Variants in TULP4 observed in about 807,000 individuals in gnomAD.
TULP4 encodes the protein TUB like protein 4, also known as tubby-related protein 4.
A neutral mutation model predicts 129.0 loss-of-function variants in TULP4; 16 were observed. The observed-to-expected ratio is 0.12, with a 90% CI of 0.08 to 0.19. The LOEUF (loss-of-function observed/expected upper bound fraction) is 0.19. Ranked by LOEUF, TULP4 falls within the 10% of genes least tolerant of loss-of-function variation. The probability of loss-of-function intolerance (pLI) is 1.00; values close to 1 mark genes in which losing one functional copy is unlikely to be tolerated. For missense variants in TULP4, 1,842 were observed against 2,059.1 expected, an observed-to-expected ratio of 0.89 and a Z score of 2.04; for synonymous variants, 998 against 854.0, an observed-to-expected ratio of 1.17 and a Z score of -2.94.
chr6:158,486,898 C>T (rs1236067940), intron 8 of TULP4, among the ~76,000 whole-genome samples: 1 of 152,008 alleles, frequency 6.6e-6, no homozygotes, highest in Non-Finnish European at 1.5e-5. Context: ...ATTGCCTGAG[C>T]TCAGTAGTTC....
chr6:158,474,894 T>A (rs572195442), intron 6 of TULP4, among the ~76,000 whole-genome samples: 3 of 152,342 alleles, frequency 2.0e-5, no homozygotes, highest in African/African-American at 7.2e-5. Context: ...AGATTAAGGA[T>A]ACTTCACCTG....
At position 158,313,545 on chromosome 6, in the gene TULP4, C is replaced by G. The variant is rs1260158895; in HGVS notation, c.-472C>G. 5.0e-6 allele frequency: 2 copies of G among 403,078 alleles called. No homozygotes were observed. Among genetic ancestry groups the G allele is most frequent in the African/African-American group, 4.1e-5 (2 of 48,622 alleles). The allele number at this position is 403,078 out of a possible 1,614,324, so 25.0% of individuals were successfully genotyped here. Reference sequence around the variant, plus strand: ...GAACTTTTGAAGAGAAAAATTCGAGCTAGAGGGATTCTTAAAGCCTTAAGT... The same window carrying G: ...GAACTTTTGAAGAGAAAAATTCGAGGTAGAGGGATTCTTAAAGCCTTAAGT... On this transcript the variant is annotated 5_prime_UTR_variant, in exon 1 of 14. Coordinates refer to ENST00000367097, the MANE Select transcript of TULP4 (RefSeq NM_020245.5).
chr6:158,309,929 G>GGAGA (rs1554278991), upstream of TULP4, among the ~76,000 whole-genome samples: 13 of 36,624 alleles, frequency 3.5e-4, no homozygotes, highest in East Asian at 2.3e-3. Flanking sequence ...GGAGGGGGAG[G>GGAGA]GGGAGAGGGA....
chr6:158,486,655 C>T (rs1341814083), intron 8 of TULP4, among the ~76,000 whole-genome samples: 4 of 152,178 alleles, frequency 2.6e-5, no homozygotes, highest in Non-Finnish European at 5.9e-5. Flanking sequence ...ATCATTCTGG[C>T]GCCCTAGTCT....
chr6:158,431,900 C>T (rs935799096), intron 3 of TULP4, among the ~76,000 whole-genome samples: 1 of 151,890 alleles, frequency 6.6e-6, no homozygotes, highest in Admixed American at 6.6e-5. Flanking sequence ...GGTACGTGGC[C>T]GCAGCCTCTG....
chr6:158,476,776 T>C (rs1336423347), intron 6 of TULP4, among the ~76,000 whole-genome samples: 2 of 152,216 alleles, frequency 1.3e-5, no homozygotes, highest in Non-Finnish European at 2.9e-5. Flanking sequence ...GGCTCACGAT[T>C]TTGTATGTGA....
chr6:158,386,123 G>C (rs1163750429), intron 1 of TULP4, among the ~76,000 whole-genome samples: 2 of 151,954 alleles, frequency 1.3e-5, no homozygotes, highest in African/African-American at 2.4e-5. Flanking sequence ...ATGATTACAA[G>C]TGTGAGCCAC....
chr6:158,509,655 T>C lies in TULP4; in HGVS notation c.*2961T>C, dbSNP rs1190997676. On this transcript the variant is annotated 3_prime_UTR_variant, in exon 14 of 14. Coordinates refer to ENST00000367097, the MANE Select transcript of TULP4 (RefSeq NM_020245.5). The stretch of plus-strand genomic sequence containing the variant: ...CTCCCCCAAAGGCGCTTTCCCCCGA[T>C]GGAGGCACAGGCTTCTGTCTCGGAT... 6.6e-6 allele frequency: 1 copy of C among 152,218 alleles called. No individual in the cohort carries two copies. Among genetic ancestry groups the C allele is most frequent in the Non-Finnish European group, 1.5e-5 (1 of 68,038 alleles). The allele number at this position is 152,218 out of a possible 1,614,324, so 9.4% of individuals were successfully genotyped here.
In TULP4 at chr6:158,468,832, C is replaced by T. The variant is rs567684884; in HGVS notation, c.1026+7103C>T. Among the ~76,000 whole-genome samples the T allele has an allele frequency of 1.8e-3, 278 of 152,310 alleles. 1 individual carries two copies. Among genetic ancestry groups the T allele is most frequent in the African/African-American group, 6.6e-3 (274 of 41,564 alleles). ...AGATGGCGCCTTGTGCCTGTGTCCT[C>T]ACATGGTAGAATGAGTAAAAGCAGG... On this transcript the variant is annotated intron_variant, in intron 6 of 13. Transcript: ENST00000367097.
At chr6:158,384,548 A>T (rs898212515) in intron 1 of TULP4, among the ~76,000 whole-genome samples, 5 of 152,112 alleles carry the variant, frequency 3.3e-5, no homozygotes, top group Non-Finnish European at 7.4e-5. Context: ...TCAGCCTCCC[A>T]AAGTGCTAGG....
chr6:158,307,567 C>T (rs570753760), upstream of TULP4, among the ~76,000 whole-genome samples: 5 of 152,286 alleles, frequency 3.3e-5, no homozygotes, highest in South Asian at 2.1e-4. Flanking sequence ...CTGCAACCTC[C>T]GCCTCCTGGG....
chr6:158,283,664 A>G (rs1778794242), intron 1 of TULP4, among the ~76,000 whole-genome samples: 1 of 152,240 alleles, frequency 6.6e-6, no homozygotes, highest in Non-Finnish European at 1.5e-5. Context: ...AAATAGAATC[A>G]TTATATTCAC....
chr6:158,453,506 A>AAAAAAAAAAAAAAAAAAC, intron 5 of TULP4, among the ~76,000 whole-genome samples: 1 of 140,024 alleles, frequency 7.1e-6, no homozygotes, highest in Non-Finnish European at 1.5e-5. Context: ...AAAAAAAAAA[A>AAAAAAAAAAAAAAAAAAC]AAAGCCGGGC....
chr6:158,500,303 G>A (rs1198670137), intron 12 of TULP4, among the ~76,000 whole-genome samples: 1 of 152,220 alleles, frequency 6.6e-6, no homozygotes, highest in Non-Finnish European at 1.5e-5. Context: ...GCTTCTCCAA[G>A]AGGGATCTGA....
chr6:158,266,342 G>A (rs906221537), intron 1 of TULP4, among the ~76,000 whole-genome samples: 1 of 152,200 alleles, frequency 6.6e-6, no homozygotes, highest in Non-Finnish European at 1.5e-5. Flanking sequence ...CTGCAGCCTT[G>A]ACGTCCCGGG....
intron 1 of TULP4, among the ~76,000 whole-genome samples, chr6:158,315,936 G>A (rs1333548276): frequency 6.6e-6 from 1 of 152,212 alleles, no homozygotes; most frequent in Non-Finnish European, 1.5e-5. Context: ...TGGGGATTAG[G>A]TTTCAACATT....
chr6:158,441,398 GT>G (rs1303751759), intron 3 of TULP4, among the ~76,000 whole-genome samples: 7 of 152,202 alleles, frequency 4.6e-5, no homozygotes, highest in Admixed American at 1.3e-4. Flanking sequence ...CTTAAAGTCA[GT>G]TTTTTGTTAA....
intron 1 of TULP4, among the ~76,000 whole-genome samples, chr6:158,368,493 A>T (rs537518240): frequency 6.6e-6 from 1 of 152,312 alleles, no homozygotes; most frequent in African/African-American, 2.4e-5. Flanking sequence ...ACAGCATGTG[A>T]CAGGCCATTT....
In TULP4 at chr6:158,504,218, C is replaced by T. The variant is rs369830797; in HGVS notation, c.4515+40C>T. ...CAGGTGGCGCTGCGAGCCCAGGAGG[C>T]GAGGGTTTCAGTGCTTCGGCCTTCA... is the stretch of plus-strand genomic sequence containing the variant. On this transcript the variant is annotated intron_variant, in intron 13 of 13. Transcript: ENST00000367097. 281 of 1,467,830 alleles carry T rather than the reference C, an allele frequency of 1.9e-4. No individual in the cohort carries two copies. In the African/African-American group the frequency reaches 3.2e-3, roughly 17 times the overall value. 90.9% of individuals were successfully genotyped at this position (1,467,830 alleles called of 1,614,324 possible).
Sources: allele counts gnomAD v4.1 joint callset (sites outside exome capture counted in the v4.1 genomes callset), GRCh38; gene constraint gnomAD v4.1.1; transcripts MANE v1.5; gene names NCBI Gene and HGNC (gene_info 2026-07-23, HGNC 2026-07-21).